Variants in MTMR10 observed in about 807,000 individuals in gnomAD.
MTMR10 encodes myotubularin related protein 10, also known as myotubularin-related protein 10.
Under a neutral mutation model 88.1 loss-of-function variants are expected in MTMR10, and 56 were observed. The observed-to-expected ratio is 0.64, with a 90% confidence interval of 0.51 to 0.79. The LOEUF is 0.79. Among genes scored for constraint, MTMR10 ranks in the 30% least tolerant of loss-of-function variants. MTMR10 has a pLI of 0.00. For missense variants in MTMR10, 883 were observed against 924.7 expected (o/e 0.95, Z 0.58); for synonymous variants, 380 against 340.9 (o/e 1.11, Z -1.26).
At position 30,940,468 on chromosome 15, in the gene MTMR10, G is replaced by C; in HGVS notation, c.*1002C>G. 1 of 985,440 alleles carries C rather than the reference G, an allele frequency of 1.0e-6. No individual in the cohort carries two copies. Among genetic ancestry groups the C allele is most frequent in the Non-Finnish European group, 1.2e-6 (1 of 829,950 alleles). 61.0% of individuals were successfully genotyped at this position (985,440 alleles called of 1,614,324 possible). On this transcript the variant is annotated 3_prime_UTR_variant, in exon 16 of 16. Coordinates refer to ENST00000435680, the MANE Select transcript of MTMR10 (RefSeq NM_017762.3). ...ACTATGAGAGAAGGACATCTGTGCAGGTGCCCAACTCGTAACCTCATTAGT... is the reference window on the plus strand; with the variant it reads ...ACTATGAGAGAAGGACATCTGTGCACGTGCCCAACTCGTAACCTCATTAGT...
rs1320119560 is a variant in MTMR10 at position 30,941,650 on chromosome 15, G to A, written c.2154C>T (p.Phe718=). 6.2e-7 allele frequency: 1 copy of A among 1,611,808 alleles called. No individual in the cohort carries two copies. Among genetic ancestry groups the A allele is most frequent in the Non-Finnish European group, 8.5e-7 (1 of 1,179,014 alleles). Residue 718 remains phenylalanine (F), a synonymous_variant, in exon 16 of 16, where the codon TTC becomes TTT. Coordinates refer to ENST00000435680, the MANE Select transcript of MTMR10 (RefSeq NM_017762.3). ...YGELGQSRMY[F]NASGPHHTDT... The stretch of plus-strand genomic sequence containing the variant: ...CGGTGTGGTGAGGGCCGCTGGCGTT[G>A]AAGTACATCCTGCTCTGGCCCAGCT...
In MTMR10 at chr15:30,959,130, G is replaced by A; in HGVS notation, c.759-9C>T. 2.0e-6 allele frequency: 3 copies of A among 1,532,244 alleles called. No homozygotes were observed. Among genetic ancestry groups the A allele is most frequent in the African/African-American group, 1.4e-5 (1 of 71,884 alleles). 94.9% of individuals were successfully genotyped at this position (1,532,244 alleles called of 1,614,324 possible). A position where few individuals can be genotyped will look rare whatever the true frequency, so the allele number is the denominator to read the frequency against. ...CAATGTATTCTGGAAGGCTGGAGGG[G>A]AAAAAAAAAATTATATGAGTGCTGT... On this transcript the variant is annotated splice_polypyrimidine_tract_variant and intron_variant, in intron 7 of 15. Coordinates refer to ENST00000435680, the MANE Select transcript of MTMR10 (RefSeq NM_017762.3).
chr15:30,920,063 AACTTT>A, the MTMR10 span, among the ~76,000 whole-genome samples: 1 of 152,238 alleles, frequency 6.6e-6, no homozygotes, highest in Non-Finnish European at 1.5e-5. Context: ...CTGTGGCACC[AACTTT>A]ACTCTGCTGT....
intron 15 of MTMR10, 34 bp downstream of exon 15, chr15:30,942,856 G>A: frequency 6.5e-7 from 1 of 1,532,318 alleles, no homozygotes; most frequent in Non-Finnish European, 8.8e-7. Flanking sequence ...GGTTACGTGT[G>A]AGCCAACATC....
chr15:30,977,128 G>A (rs1271949161), intron 2 of MTMR10, among the ~76,000 whole-genome samples, 173 bp from the exon 3 acceptor site: 1 of 152,150 alleles, frequency 6.6e-6, no homozygotes, highest in Non-Finnish European at 1.5e-5. Flanking sequence ...TAATGACAAG[G>A]CATTGTTCTC....
At chr15:30,928,297 G>T in the MTMR10 span, 1 of 1,269,882 alleles carries the variant, frequency 7.9e-7, no homozygotes, top group Non-Finnish European at 9.9e-7. Flanking sequence ...ACTGCTTTGT[G>T]GCTTTGAAAT....
At chr15:30,990,750 T>C in intron 2 of MTMR10, 27 bp downstream of exon 2, 1 of 1,590,290 alleles carries the variant, frequency 6.3e-7, no homozygotes, top group Non-Finnish European at 8.6e-7. Context: ...TGCTAAAGTA[T>C]CTGTTAGAAT....
At position 30,991,604 on chromosome 15, in the gene MTMR10, T is replaced by G. The variant is rs182780349; in HGVS notation, c.-98A>C. 6.1e-3 allele frequency: 8,570 copies of G among 1,398,878 alleles called. 40 individuals are homozygous for G. The highest frequency in any genetic ancestry group is 7.5e-3 in the Non-Finnish European group (7,955 of 1,061,170). 86.7% of individuals were successfully genotyped at this position (1,398,878 alleles called of 1,614,324 possible). ...TCAGTGCGGCCGCCCAGGCCCTTTC[T>G]GCGGCCAGCCGAGCCGGGCGGACTG... On this transcript the variant is annotated 5_prime_UTR_variant, in exon 1 of 16. Transcript: ENST00000435680.
chr15:30,936,072 A>C (rs2062844340), downstream of MTMR10, among the ~76,000 whole-genome samples: 1 of 151,900 alleles, frequency 6.6e-6, no homozygotes, highest in Non-Finnish European at 1.5e-5. Flanking sequence ...TTAGGCTGCT[A>C]AATGCTGTAT....
chr15:30,930,529 T>C, the MTMR10 span: 1 of 1,583,292 alleles, frequency 6.3e-7, no homozygotes. Flanking sequence ...AACTGTCCTG[T>C]GTTTTGTGTT....
chr15:30,989,807 G>A (rs1240003780), intron 2 of MTMR10, among the ~76,000 whole-genome samples: 1 of 151,876 alleles, frequency 6.6e-6, no homozygotes, highest in Non-Finnish European at 1.5e-5. Flanking sequence ...GGATGGTCTC[G>A]GTCTCTTGAC....
At chr15:30,954,931 A>G (rs1331613796) in intron 9 of MTMR10, 38 bp from the exon 10 acceptor site, 4 of 1,490,390 alleles carry the variant, frequency 2.7e-6, no homozygotes, top group Non-Finnish European at 3.6e-6. Context: ...TTACTCATTC[A>G]TTTCAGCATA....
At chr15:30,935,388 T>C (rs2062825028), downstream of MTMR10, among the ~76,000 whole-genome samples, 1 of 152,194 alleles carries the variant, frequency 6.6e-6, no homozygotes, top group Admixed American at 6.5e-5. Context: ...GTTAGCCCTC[T>C]GTATCCATGG....
At chr15:30,933,492 G>GT in the MTMR10 span, among the ~76,000 whole-genome samples, 1 of 152,100 alleles carries the variant, frequency 6.6e-6, no homozygotes, top group Non-Finnish European at 1.5e-5. Context: ...GACATATTTT[G>GT]TATGATTTGA....
intron 10 of MTMR10, among the ~76,000 whole-genome samples, chr15:30,954,090 G>A (rs907039169): frequency 7.2e-5 from 11 of 152,178 alleles, no homozygotes; most frequent in Non-Finnish European, 8.8e-5. Flanking sequence ...CACTGCATGA[G>A]GACAGGCATC....
intron 12 of MTMR10, among the ~76,000 whole-genome samples, chr15:30,950,682 A>C (rs1050542007): frequency 6.6e-6 from 1 of 151,776 alleles, no homozygotes; most frequent in African/African-American, 2.4e-5. Context: ...AAAAAAAAAA[A>C]AGTACTTCTG....
At chr15:30,969,512 A>G (rs1259970746) in intron 5 of MTMR10, among the ~76,000 whole-genome samples, 1 of 152,122 alleles carries the variant, frequency 6.6e-6, no homozygotes, top group East Asian at 1.9e-4. Context: ...ACTTTTCTCT[A>G]GACATTTTTC....
chr15:30,974,072 C>A (rs912866574), intron 5 of MTMR10, among the ~76,000 whole-genome samples: 2 of 152,142 alleles, frequency 1.3e-5, no homozygotes, highest in Admixed American at 6.6e-5. Flanking sequence ...CTAATTTCCA[C>A]GTAAGAGTCT....
chr15:30,983,714 G>A (rs77130125), intron 2 of MTMR10, among the ~76,000 whole-genome samples: 2,258 of 152,274 alleles, frequency 0.015, 55 homozygotes, highest in African/African-American at 0.052. Context: ...TCCCTGGGAT[G>A]TGGTATTTTT....
Sources: allele counts gnomAD v4.1 joint callset (sites outside exome capture counted in the v4.1 genomes callset), GRCh38; gene constraint gnomAD v4.1.1; transcripts MANE v1.5; gene names NCBI Gene and HGNC (gene_info 2026-07-23, HGNC 2026-07-21).